Variants in OTUD7A observed in about 807,000 individuals in gnomAD.
OTUD7A encodes OTU domain-containing protein 7A.
OTUD7A carries 12 observed loss-of-function variants against 65.7 expected under a neutral mutation model. The observed-to-expected ratio is 0.18, with a 90% CI of 0.12 to 0.30. The LOEUF (loss-of-function observed/expected upper bound fraction) is 0.30. OTUD7A is among the 10% of genes least tolerant of loss of function. The pLI is 1.00. For missense variants in OTUD7A, 1,148 were observed against 1,304.8 expected, an observed-to-expected ratio of 0.88 and a Z score of 1.85; for synonymous variants, 641 against 586.3, an observed-to-expected ratio of 1.09 and a Z score of -1.35.
intron 1 of OTUD7A, chr15:31,767,811 T>C (rs1273319508): frequency 3.7e-6 from 3 of 801,252 alleles, no homozygotes; most frequent in Non-Finnish European, 6.5e-6. Flanking sequence ...ATACTATCTT[T>C]ATCTTTGGAA....
intron 1 of OTUD7A, among the ~76,000 whole-genome samples, chr15:31,811,082 A>G (rs1431808198): frequency 1.3e-5 from 2 of 152,192 alleles, no homozygotes; most frequent in Admixed American, 6.5e-5. Flanking sequence ...CAAACATTAT[A>G]CACAGGTGAG....
At chr15:31,594,623 C>T (rs1889849277) in intron 3 of OTUD7A, among the ~76,000 whole-genome samples, 1 of 152,216 alleles carries the variant, frequency 6.6e-6, no homozygotes, top group South Asian at 2.1e-4. Context: ...CAGAAAAAGG[C>T]TGCTTGTCCT....
At chr15:31,631,898 G>A (rs1249025062) in intron 3 of OTUD7A, among the ~76,000 whole-genome samples, 1 of 152,134 alleles carries the variant, frequency 6.6e-6, no homozygotes, top group Non-Finnish European at 1.5e-5. Context: ...TGAGGCTTCT[G>A]CATTCTTCAC....
At chr15:31,762,442 G>A (rs901566740) in intron 1 of OTUD7A, among the ~76,000 whole-genome samples, 6 of 152,232 alleles carry the variant, frequency 3.9e-5, no homozygotes, top group African/African-American at 1.4e-4. Context: ...ACTGAAAGGA[G>A]CATAAAGAAC....
rs559754396 is a variant in OTUD7A at position 31,766,749 on chromosome 15, T to C, written c.-100+103758A>G. 13 of 1,612,432 alleles carry C rather than the reference T, an allele frequency of 8.1e-6. No individual in the cohort carries two copies. In the African/African-American group the frequency reaches 1.6e-4, roughly 20 times the overall value. On this transcript the variant is annotated intron_variant, in intron 1 of 12. Transcript: ENST00000307050. ...AGGTTCTCTTAAAACCAGCACTGAATGGCTTTTGAATATTTTCCTCTGAAT... is the reference window on the plus strand; with the variant it reads ...AGGTTCTCTTAAAACCAGCACTGAACGGCTTTTGAATATTTTCCTCTGAAT...
chr15:31,681,567 C>T (rs536175683), intron 1 of OTUD7A, among the ~76,000 whole-genome samples: 2 of 151,790 alleles, frequency 1.3e-5, no homozygotes, highest in South Asian at 4.2e-4. Flanking sequence ...TATCCAAAAC[C>T]TGCCTGAATG....
intron 8 of OTUD7A, among the ~76,000 whole-genome samples, chr15:31,519,859 A>G (rs1020918022): frequency 7.4e-4 from 113 of 152,342 alleles, no homozygotes; most frequent in African/African-American, 2.6e-3. Context: ...ACCAGTAACA[A>G]TCTAGCTGAG....
At chr15:31,529,448 G>A (rs894205634) in intron 6 of OTUD7A, among the ~76,000 whole-genome samples, 2 of 152,198 alleles carry the variant, frequency 1.3e-5, no homozygotes, top group African/African-American at 4.8e-5. Context: ...GGAAGATGAT[G>A]ACAATACCAA....
chr15:31,670,429 G>A (rs1196370210), intron 1 of OTUD7A, among the ~76,000 whole-genome samples: 4 of 150,854 alleles, frequency 2.7e-5, no homozygotes, highest in Non-Finnish European at 1.5e-5. Context: ...TCTCCACAGC[G>A]TCACCAGCAT....
intron 8 of OTUD7A, among the ~76,000 whole-genome samples, chr15:31,514,705 C>T (rs2041816407): frequency 6.6e-6 from 1 of 152,254 alleles, no homozygotes; most frequent in Non-Finnish European, 1.5e-5. Context: ...ACCTGTGTGG[C>T]TGACATCTGG....
intron 7 of OTUD7A, 75 bp from the exon 8 acceptor site, chr15:31,526,536 T>C: frequency 8.0e-7 from 1 of 1,244,480 alleles, no homozygotes; most frequent in Non-Finnish European, 1.1e-6. Context: ...CCTCCCAATC[T>C]GGACCAGCCT....
At chr15:31,532,055 C>T (rs377116664) in intron 5 of OTUD7A, among the ~76,000 whole-genome samples, 3 of 152,254 alleles carry the variant, frequency 2.0e-5, no homozygotes, top group East Asian at 1.9e-4. Context: ...GTCAGGAGGT[C>T]CGCTAAAACA....
intron 1 of OTUD7A, among the ~76,000 whole-genome samples, chr15:31,700,508 T>C (rs1893189667): frequency 6.6e-6 from 1 of 152,210 alleles, no homozygotes; most frequent in Non-Finnish European, 1.5e-5. Context: ...TCTCAATGAG[T>C]TCTGAACTTC....
At chr15:31,597,100 CT>C (rs58263160) in intron 3 of OTUD7A, among the ~76,000 whole-genome samples, 2 of 151,308 alleles carry the variant, frequency 1.3e-5, no homozygotes, top group South Asian at 2.1e-4. Context: ...AGTTTTTTTT[CT>C]TTTTTTTGTA....
At chr15:31,600,247 C>A (rs1890034820) in intron 3 of OTUD7A, among the ~76,000 whole-genome samples, 1 of 152,272 alleles carries the variant, frequency 6.6e-6, no homozygotes, top group African/African-American at 2.4e-5. Context: ...CTGTTAAGGG[C>A]AGCCAGAGAG....
At chr15:31,802,575 A>G (rs1270356661) in intron 1 of OTUD7A, among the ~76,000 whole-genome samples, 1 of 152,178 alleles carries the variant, frequency 6.6e-6, no homozygotes, top group African/African-American at 2.4e-5. Context: ...TCACTCTCAC[A>G]TTACACTTCA....
intron 10 of OTUD7A, among the ~76,000 whole-genome samples, chr15:31,495,407 G>A (rs558235068): frequency 1.3e-5 from 2 of 152,186 alleles, no homozygotes; most frequent in Non-Finnish European, 2.9e-5. Context: ...CATAGCTCCT[G>A]GCCACCTCAT....
chr15:31,529,309 C>T (rs1484577900), intron 6 of OTUD7A, among the ~76,000 whole-genome samples: 1 of 152,072 alleles, frequency 6.6e-6, no homozygotes, highest in Non-Finnish European at 1.5e-5. Context: ...AAATAAGACC[C>T]AACTACTTAA....
At chr15:31,533,296 G>C (rs1471423508) in intron 5 of OTUD7A, among the ~76,000 whole-genome samples, 1 of 150,416 alleles carries the variant, frequency 6.6e-6, no homozygotes, top group Non-Finnish European at 1.5e-5. Flanking sequence ...GAGTGCAGTG[G>C]TGCAATTTCA....
Sources: gnomAD v4.1 joint callset for allele counts (sites outside exome capture counted in the v4.1 genomes callset) on GRCh38, gnomAD v4.1.1 for gene constraint, MANE v1.5 for transcripts, NCBI Gene and HGNC (gene_info 2026-07-23, HGNC 2026-07-21) for gene names.